COL27A1: variants seen among roughly 807,000 people sequenced by gnomAD.
COL27A1 encodes collagen alpha-1(XXVII) chain.
Under a neutral mutation model 251.3 loss-of-function variants are expected in COL27A1, and 106 were observed. The ratio of observed to expected loss-of-function variants is 0.42; its 90% CI spans 0.36 to 0.50. The LOEUF is 0.50. Among genes scored for constraint, COL27A1 ranks in the 20% least tolerant of loss-of-function variants. The pLI, the probability that COL27A1 is intolerant of heterozygous loss-of-function variation, is 0.00. For missense variants in COL27A1, 2,325 were observed against 2,522.8 expected (o/e 0.92, Z 1.68); for synonymous variants, 1,000 against 986.3 (o/e 1.01, Z -0.26).
intron 28 of COL27A1, among the ~76,000 whole-genome samples, chr9:114,261,041 C>T (rs890398375): frequency 1.4e-4 from 22 of 152,210 alleles, no homozygotes; most frequent in Admixed American, 1.4e-3. Context: ...CTTCACTTCC[C>T]CCTCCGTAAA....
chr9:114,176,861 C>T lies in COL27A1; in HGVS notation c.1909-1430C>T, dbSNP rs149248041. On this transcript the variant is annotated intron_variant, in intron 3 of 60. Transcript: ENST00000356083. ...ATTTTTATTCATGGACGAGCAAGCA[C>T]GTGGTGTTCACAGGCCAGAACTGTG... 9.2e-5 allele frequency among the ~76,000 whole-genome samples: 14 copies of T among 152,300 alleles called. No individual in the cohort carries two copies. The East Asian group carries it at 1.5e-3, about 17-fold the overall frequency.
intron 13 of COL27A1, among the ~76,000 whole-genome samples, chr9:114,221,163 A>T (rs1398991062): frequency 6.6e-6 from 1 of 152,102 alleles, no homozygotes; most frequent in Non-Finnish European, 1.5e-5. Flanking sequence ...GTCACACAAC[A>T]GGCAGTGGGA....
Position 114,219,211 on chromosome 9 carries a change from C to T in COL27A1, c.2368-580C>T, listed in dbSNP as rs1269152167. Among the ~76,000 whole-genome samples, 3 of 152,228 alleles carry T rather than the reference C, an allele frequency of 2.0e-5. No individual in the cohort carries two copies. The East Asian group carries it at 5.8e-4, about 29-fold the overall frequency. On this transcript the variant is annotated intron_variant, in intron 12 of 60. Transcript: ENST00000356083. ...GGCCAGACCTGCCTGGGCCGGGCAGCTCAGCATCTCTCTGAGCTGCTGAAC... is the reference window on the plus strand; with the variant it reads ...GGCCAGACCTGCCTGGGCCGGGCAGTTCAGCATCTCTCTGAGCTGCTGAAC...
chr9:114,260,369 AG>A (rs1834234719), intron 28 of COL27A1, among the ~76,000 whole-genome samples: 1 of 152,126 alleles, frequency 6.6e-6, no homozygotes. Context: ...CCTGCCAAAC[AG>A]GCTGCCCTTC....
chr9:114,235,482 C>T lies in COL27A1; in HGVS notation c.2566-117C>T, dbSNP rs1257591965. The T allele has an allele frequency of 1.8e-5, 15 of 817,822 alleles. 1 individual carries two copies. The highest frequency in any genetic ancestry group is 7.3e-5 in the East Asian group (3 of 40,940). The allele number at this position is 817,822 out of a possible 1,614,324, so 50.7% of individuals were successfully genotyped here. A position where few individuals can be genotyped will look rare whatever the true frequency, so the allele number is the denominator to read the frequency against. ...TTCCTCTCACAAGGCTGCTGCTGGCCGGATCCGACTTGGGAAACAGCCTCG... is the reference window on the plus strand; with the variant it reads ...TTCCTCTCACAAGGCTGCTGCTGGCTGGATCCGACTTGGGAAACAGCCTCG... On this transcript the variant is annotated intron_variant, in intron 16 of 60. Coordinates refer to ENST00000356083, the MANE Select transcript of COL27A1 (RefSeq NM_032888.4).
chr9:114,237,864 A>C, intron 19 of COL27A1, 149 bp downstream of exon 19: 1 of 667,010 alleles, frequency 1.5e-6, no homozygotes, highest in Non-Finnish European at 2.7e-6. Flanking sequence ...CTAGATCAGC[A>C]ATCATTTATT....
At position 114,168,089 on chromosome 9, in the gene COL27A1, G is replaced by T; in HGVS notation, c.534G>T (p.Arg178=). 6.2e-7 allele frequency: 1 copy of T among 1,611,254 alleles called. No homozygotes were observed. The change falls in exon 3 of 61, where the codon CGG becomes CGT. Residue 178 remains arginine (R), a synonymous_variant. Coordinates refer to ENST00000356083, the MANE Select transcript of COL27A1 (RefSeq NM_032888.4). The part of the protein sequence containing the change: ...VTLVTACGQR[R]VPVLLPFHRD... ...TGGTGACTGCCTGCGGGCAGCGCCGGGTGCCTGTCCTGCTGCCTTTCCACA... is the reference window on the plus strand; with the variant it reads ...TGGTGACTGCCTGCGGGCAGCGCCGTGTGCCTGTCCTGCTGCCTTTCCACA...
chr9:114,269,133 G>C, intron 34 of COL27A1, 108 bp from the exon 35 acceptor site: 2 of 625,078 alleles, frequency 3.2e-6, no homozygotes, highest in Non-Finnish European at 5.3e-6. Context: ...ACCTTCCCCA[G>C]CTCCTCCTCC....
At chr9:114,183,422 A>G (rs1376346236) in intron 5 of COL27A1, among the ~76,000 whole-genome samples, 1 of 152,102 alleles carries the variant, frequency 6.6e-6, no homozygotes, top group Non-Finnish European at 1.5e-5. Flanking sequence ...CTGGGGAGGG[A>G]TGTGGAAAGA....
At chr9:114,234,212 TAAAA>T (rs11415885) in intron 16 of COL27A1, among the ~76,000 whole-genome samples, 42 of 89,330 alleles carry the variant, frequency 4.7e-4, no homozygotes, top group African/African-American at 4.7e-4. Context: ...TCTTGGACAT[TAAAA>T]AAAAAAAAAA....
intron 28 of COL27A1, among the ~76,000 whole-genome samples, chr9:114,259,894 T>G (rs1294956056): frequency 1.3e-5 from 2 of 151,566 alleles, no homozygotes; most frequent in East Asian, 3.9e-4. Flanking sequence ...TTTTACAATT[T>G]CCCCCAAACC....
intron 1 of COL27A1, among the ~76,000 whole-genome samples, chr9:114,157,182 G>A (rs1348384166): frequency 6.6e-6 from 1 of 152,178 alleles, no homozygotes; most frequent in African/African-American, 2.4e-5. Flanking sequence ...GATGCCAGCA[G>A]TTGGGCAGAA....
intron 60 of COL27A1, among the ~76,000 whole-genome samples, chr9:114,310,164 G>T (rs1829347501): frequency 6.6e-6 from 1 of 152,018 alleles, no homozygotes; most frequent in Non-Finnish European, 1.5e-5. Context: ...TACACATTGG[G>T]TACCGTGTAC....
rs367706340 is a variant in COL27A1, at chr9:114,288,938, C to T, written c.4123C>T (p.Arg1375Cys). ...GGGACAGGAGGGTGTGCAAGGCCTC[C>T]GTGGAAAGCCAGGCCAGCAGGGCCA... ...YPGQEGVQGLRGKPGQQGQPG... is the reference protein window; with the variant it reads ...YPGQEGVQGLCGKPGQQGQPG... The change falls in exon 44 of 61, where the codon CGT becomes TGT. Residue 1375 changes from arginine to cysteine, a missense_variant. Arg to Cys is a radical substitution (Grantham distance 180). Around this residue, in one of 4 missense-constraint regions of COL27A1, gnomAD observed 662 missense variants for 795.3 expected, o/e 0.83. Transcript: ENST00000356083. 298 of 1,613,568 alleles carry T rather than the reference C, an allele frequency of 1.8e-4. No homozygotes were observed. Among genetic ancestry groups the T allele is most frequent in the Non-Finnish European group, 2.5e-4 (292 of 1,179,996 alleles).
chr9:114,221,080 G>A (rs1452348463), intron 13 of COL27A1, among the ~76,000 whole-genome samples: 1 of 152,092 alleles, frequency 6.6e-6, no homozygotes, highest in Non-Finnish European at 1.5e-5. Flanking sequence ...CAGTGGGTGA[G>A]GCTGTGTAAA....
chr9:114,264,320 C>G (rs1834570215), intron 28 of COL27A1, 35 bp from the exon 29 acceptor site: 2 of 1,534,436 alleles, frequency 1.3e-6, no homozygotes, highest in African/African-American at 2.7e-5. Context: ...GAGACCCCTG[C>G]TGTCCGGTGT....
chr9:114,249,184 G>A (rs1245161963), intron 24 of COL27A1, among the ~76,000 whole-genome samples: 1 of 152,192 alleles, frequency 6.6e-6, no homozygotes, highest in Admixed American at 6.5e-5. Context: ...TTGGCACACA[G>A]GAAGTGCTCA....
chr9:114,163,929 C>G (rs1848660319), intron 2 of COL27A1, among the ~76,000 whole-genome samples: 1 of 152,148 alleles, frequency 6.6e-6, no homozygotes, highest in African/African-American at 2.4e-5. Flanking sequence ...TGGGGGCCAG[C>G]TGGCAGGCTC....
chr9:114,231,879 C>G lies in COL27A1; in HGVS notation c.2565+13C>G. 1 of 1,612,814 alleles carries G rather than the reference C, an allele frequency of 6.2e-7. No homozygotes were observed. The highest frequency in any genetic ancestry group is 8.5e-7 in the Non-Finnish European group (1 of 1,178,798). On this transcript the variant is annotated intron_variant, in intron 16 of 60. Transcript: ENST00000356083. The stretch of plus-strand genomic sequence containing the variant: ...GAAAGGTGATAAGGTGATCTGAATA[C>G]TCCCTTATTGCACTGTGGTTTCTCT...
Sources: gnomAD v4.1 joint callset for allele counts (sites outside exome capture counted in the v4.1 genomes callset) on GRCh38, gnomAD v4.1.1 for gene constraint, gnomAD v4.1.1 regional missense constraint, MANE v1.5 for transcripts, NCBI Gene and HGNC (gene_info 2026-07-23, HGNC 2026-07-21) for gene names.